LRP1B: variants seen among roughly 807,000 people sequenced by gnomAD.
The protein encoded by LRP1B is low-density lipoprotein receptor-related protein 1B.
LRP1B carries 217 observed loss-of-function variants against 556.6 expected under a neutral mutation model. The ratio of observed to expected loss-of-function variants is 0.39; its 90% CI spans 0.35 to 0.44. LRP1B has a LOEUF of 0.44. Ranked by LOEUF, LRP1B falls within the 20% of genes least tolerant of loss-of-function variation. The pLI, the probability that LRP1B is intolerant of heterozygous loss-of-function variation, is 1.00. For synonymous variants in LRP1B, 2,047 were observed against 1,865.8 expected (o/e 1.10, Z -2.50); for missense variants, 5,053 against 5,620.8 (o/e 0.90, Z 3.23).
Position 141,105,289 on chromosome 2 carries a change from TACA to T in LRP1B, c.1014-43019_1014-43017del, listed in dbSNP as rs1375465127. Among the ~76,000 whole-genome samples the T allele has an allele frequency of 1.4e-3, 215 of 152,240 alleles. 4 individuals are homozygous for T. The highest frequency in any genetic ancestry group is 1.8e-4 in the Non-Finnish European group (12 of 67,980). On this transcript the variant is annotated intron_variant, in intron 7 of 90. Transcript: ENST00000389484. ...AATGTCTGATTTCAATCAACTTAGA[TACA>T]TGAATTTTTGGTGCTTTGGAGAAAA...
chr2:140,532,227 C>T (rs1690726608), intron 47 of LRP1B, among the ~76,000 whole-genome samples: 2 of 152,182 alleles, frequency 1.3e-5, no homozygotes, highest in South Asian at 4.1e-4. Flanking sequence ...CTATTCTTTT[C>T]ATTCCTTTTT....
intron 41 of LRP1B, among the ~76,000 whole-genome samples, chr2:140,654,889 C>T (rs923446147): frequency 1.3e-5 from 2 of 152,152 alleles, no homozygotes; most frequent in African/African-American, 4.8e-5. Flanking sequence ...AATACTGCTG[C>T]CACAGCTATG....
Position 140,850,127 on chromosome 2 carries a change from A to G in LRP1B, c.4914T>C (p.Thr1638=), listed in dbSNP as rs751925859. ...CTCTTGAAATAACAGTTTCTAACCC[A>G]GTTCCGTTAATAAAAGCTCGTTTAA... ...QTIKRAFING[T]GLETVISRDI... The change falls in exon 29 of 91, where the codon ACT becomes ACC. Residue 1638 remains threonine, a synonymous_variant. Coordinates refer to ENST00000389484, the MANE Select transcript of LRP1B (RefSeq NM_018557.3). 4.3e-6 allele frequency: 7 copies of G among 1,611,440 alleles called. No homozygotes were observed. Among genetic ancestry groups the G allele is most frequent in the South Asian group, 3.3e-5 (3 of 90,946 alleles).
At chr2:141,639,422 A>ATATT (rs1558772537) in intron 2 of LRP1B, among the ~76,000 whole-genome samples, 6 of 128,972 alleles carry the variant, frequency 4.7e-5, no homozygotes, top group Non-Finnish European at 8.1e-5. Context: ...ATATATATAT[A>ATATT]TTTTTTTTTG....
chr2:140,886,024 G>T, intron 24 of LRP1B, 114 bp downstream of exon 24: 2 of 636,940 alleles, frequency 3.1e-6, no homozygotes, highest in South Asian at 4.7e-5. Flanking sequence ...TGAGGGAGGG[G>T]ATAAAGGACC....
rs781057783 is a variant in LRP1B, at chr2:141,174,952, G to A, written c.1013+13469C>T. 3.3e-5 allele frequency among the ~76,000 whole-genome samples: 5 copies of A among 152,116 alleles called. No homozygotes were observed. In the East Asian group the frequency reaches 9.7e-4, roughly 30 times the overall value. On this transcript the variant is annotated intron_variant, in intron 7 of 90. Coordinates refer to ENST00000389484, the MANE Select transcript of LRP1B (RefSeq NM_018557.3). Reference sequence around the variant, plus strand: ...GAGATTAGGAACTTACTGGGAACTAGAGTAAAGATCACTCTTGCTATTCTT... The same window carrying A: ...GAGATTAGGAACTTACTGGGAACTAAAGTAAAGATCACTCTTGCTATTCTT...
intron 29 of LRP1B, among the ~76,000 whole-genome samples, chr2:140,843,085 G>GTTTTTTTTTTTTTTTTTTTTTTTTTTTTT (rs1325879382): frequency 1.0e-4 from 2 of 20,032 alleles, no homozygotes; most frequent in Admixed American, 5.6e-4. Flanking sequence ...TTTTTTGTTT[G>GTTTTTTTTTTTTTTTTTTTTTTTTTTTTT]TTTTTTTTTT....
intron 3 of LRP1B, among the ~76,000 whole-genome samples, chr2:141,363,838 A>G (rs562453076): frequency 2.2e-4 from 33 of 152,320 alleles, no homozygotes; most frequent in African/African-American, 7.9e-4. Context: ...AGATATATTC[A>G]GCATAAATTC....
chr2:140,594,442 A>T (rs1682353236), intron 43 of LRP1B, among the ~76,000 whole-genome samples: 1 of 152,226 alleles, frequency 6.6e-6, no homozygotes, highest in Non-Finnish European at 1.5e-5. Flanking sequence ...TAGTTTTGAA[A>T]ATTTACTTGA....
intron 15 of LRP1B, among the ~76,000 whole-genome samples, chr2:141,002,703 G>A (rs1055903072): frequency 3.3e-5 from 5 of 152,012 alleles, no homozygotes; most frequent in Non-Finnish European, 7.4e-5. Context: ...TCTTGAAGAA[G>A]TTATTTCAAG....
At chr2:141,048,066 T>C (rs1055017310) in intron 11 of LRP1B, among the ~76,000 whole-genome samples, 6 of 152,148 alleles carry the variant, frequency 3.9e-5, no homozygotes, top group Non-Finnish European at 7.4e-5. Context: ...CAAAGGTAGA[T>C]TATGAACCCC....
At chr2:140,850,845 GTAAC>G (rs1692436237) in intron 28 of LRP1B, among the ~76,000 whole-genome samples, 1 of 151,994 alleles carries the variant, frequency 6.6e-6, no homozygotes, top group African/African-American at 2.4e-5. Flanking sequence ...TAAATTTGTA[GTAAC>G]TAACATTGTG....
At chr2:140,726,383 C>A (rs928311768) in intron 35 of LRP1B, among the ~76,000 whole-genome samples, 1 of 152,018 alleles carries the variant, frequency 6.6e-6, no homozygotes, top group Non-Finnish European at 1.5e-5. Flanking sequence ...TTATAGGCAC[C>A]AGATCTCTTA....
chr2:140,768,578 T>G (rs374060892), intron 35 of LRP1B, among the ~76,000 whole-genome samples: 1 of 151,964 alleles, frequency 6.6e-6, no homozygotes, highest in Non-Finnish European at 1.5e-5. Context: ...ACTTGTTTAC[T>G]TCAGTAAATT....
chr2:141,651,701 T>C (rs1689800274), intron 2 of LRP1B, among the ~76,000 whole-genome samples: 1 of 152,148 alleles, frequency 6.6e-6, no homozygotes, highest in Non-Finnish European at 1.5e-5. Flanking sequence ...ATGAGACATA[T>C]TAAACTTTCT....
At chr2:140,841,178 A>G (rs1692093372) in intron 29 of LRP1B, 86 bp from the exon 30 acceptor site, 1 of 819,276 alleles carries the variant, frequency 1.2e-6, no homozygotes, top group Non-Finnish European at 1.9e-6. Flanking sequence ...TATCTAAGGG[A>G]AAATTTAATT....
intron 1 of LRP1B, among the ~76,000 whole-genome samples, chr2:141,973,939 T>C (rs1397367914): frequency 4.0e-5 from 6 of 151,882 alleles, no homozygotes; most frequent in Non-Finnish European, 7.4e-5. Flanking sequence ...TAAAGGCAAA[T>C]GGATATAATC....
intron 1 of LRP1B, among the ~76,000 whole-genome samples, chr2:141,838,077 C>G (rs1408064368): frequency 6.6e-6 from 1 of 152,076 alleles, no homozygotes; most frequent in East Asian, 1.9e-4. Context: ...AATCTCTTAT[C>G]TCATATTTAT....
At chr2:140,418,647 C>G (rs115893299) in intron 66 of LRP1B, among the ~76,000 whole-genome samples, 218 of 151,656 alleles carry the variant, frequency 1.4e-3, no homozygotes, top group African/African-American at 4.5e-3. Flanking sequence ...AAGCAACACA[C>G]TTTGGGGGTC....
Sources: allele counts gnomAD v4.1 joint callset (sites outside exome capture counted in the v4.1 genomes callset), GRCh38; gene constraint gnomAD v4.1.1; transcripts MANE v1.5; gene names NCBI Gene and HGNC (gene_info 2026-07-23, HGNC 2026-07-21).